The following GALNT14 variants were observed in gnomAD, a reference collection of about 807,000 sequenced individuals.
The protein encoded by GALNT14 is UDP-GalNAc:polypeptide N-acetylgalactosaminyltransferase 14.
In GALNT14, 60 loss-of-function variants were observed where a neutral mutation model predicts 77.5. The observed-to-expected ratio is 0.77, with a 90% CI of 0.63 to 0.96. The LOEUF (loss-of-function observed/expected upper bound fraction) is 0.96, where lower values mean the gene tolerates loss of function less well. Ranked by LOEUF, GALNT14 falls within the 40% of genes least tolerant of loss-of-function variation. The pLI, the probability that GALNT14 is intolerant of heterozygous loss-of-function variation, is 0.00. For missense variants in GALNT14, 710 were observed against 731.0 expected (o/e 0.97, Z 0.33); for synonymous variants, 280 against 281.7 (o/e 0.99, Z 0.06).
chr2:30,938,384 A>ACTCTCTCTCTCT (rs1553339835), intron 9 of GALNT14, among the ~76,000 whole-genome samples: 1 of 141,692 alleles, frequency 7.1e-6, no homozygotes, highest in African/African-American at 2.6e-5. Flanking sequence ...ACACACACAC[A>ACTCTCTCTCTCT]CTCTCTCTCT....
chr2:31,137,985 C>G lies in GALNT14; in HGVS notation c.102G>C (p.Pro34=). 1.2e-6 allele frequency: 2 copies of G among 1,613,642 alleles called. No individual in the cohort carries two copies. The highest frequency in any genetic ancestry group is 1.7e-6 in the Non-Finnish European group (2 of 1,179,724). The part of the protein sequence containing the change: ...FWVTKRKLEV[P]TGPEVQTPKP... Reference sequence around the variant, plus strand: ...TAGGGGTCTGCACTTCAGGTCCCGTCGGCACCTCCAACTTCCTCTTGGTTA... The same window carrying G: ...TAGGGGTCTGCACTTCAGGTCCCGTGGGCACCTCCAACTTCCTCTTGGTTA... Residue 34 remains proline, a synonymous_variant, in exon 1 of 15, where the codon CCG becomes CCC. Coordinates refer to ENST00000349752, the MANE Select transcript of GALNT14 (RefSeq NM_024572.4).
intron 1 of GALNT14, among the ~76,000 whole-genome samples, chr2:31,006,065 CT>C (rs1670652977): frequency 6.6e-6 from 1 of 152,142 alleles, no homozygotes; most frequent in African/African-American, 2.4e-5. Flanking sequence ...CTTCTGGTCC[CT>C]TCTCCTCGTC....
At chr2:30,989,579 T>A (rs865924942) in intron 2 of GALNT14, among the ~76,000 whole-genome samples, 3 of 127,218 alleles carry the variant, frequency 2.4e-5, no homozygotes, top group African/African-American at 1.1e-4. Flanking sequence ...TATATATATA[T>A]ATAAAAATAT....
rs757175498 is a variant in GALNT14 at position 30,955,627 on chromosome 2, C to G, written c.645G>C (p.Arg215Ser). Residue 215 changes from arginine (R) to serine (S), a missense_variant, in exon 6 of 15, where the codon AGG becomes AGC. Arg to Ser is a moderately radical substitution (Grantham distance 110, BLOSUM62 -1). Transcript: ENST00000349752. ...CCTCAGCCTCACTCACCTCTTTGAC[C>G]CTGTGCAACAGAGGCTGGAGCCAGT... is the stretch of plus-strand genomic sequence containing the variant. ...NRDWLQPLLH[R>S]VKEDYTRVVC... The G allele has an allele frequency of 6.2e-7, 1 of 1,614,098 alleles. No individual in the cohort carries two copies. The highest frequency in any genetic ancestry group is 8.5e-7 in the Non-Finnish European group (1 of 1,180,014).
intron 1 of GALNT14, among the ~76,000 whole-genome samples, chr2:31,048,595 CACT>C (rs1673635077): frequency 7.3e-5 from 10 of 137,408 alleles, no homozygotes; most frequent in African/African-American, 1.6e-4. Flanking sequence ...TCCCCACCCC[CACT>C]CCTGCCTCCC....
chr2:31,083,141 T>A (rs1431863030), intron 1 of GALNT14, among the ~76,000 whole-genome samples: 1 of 152,194 alleles, frequency 6.6e-6, no homozygotes, highest in Non-Finnish European at 1.5e-5. Context: ...ATATGGGGCA[T>A]CCAGTGCTAT....
At chr2:30,971,367 G>A (rs1399124096) in intron 2 of GALNT14, among the ~76,000 whole-genome samples, 3 of 152,068 alleles carry the variant, frequency 2.0e-5, no homozygotes, top group African/African-American at 4.8e-5. Context: ...GATTGGGGGC[G>A]GGGTGTGGGG....
At chr2:31,021,512 G>A (rs1035785916) in intron 1 of GALNT14, among the ~76,000 whole-genome samples, 1 of 151,816 alleles carries the variant, frequency 6.6e-6, no homozygotes. Flanking sequence ...TGCCATGTTG[G>A]TCAGGCTGGT....
chr2:31,087,536 A>AGAGGAGAAGAGAGGAGAGGAG (rs1160670621), intron 1 of GALNT14, among the ~76,000 whole-genome samples: 41 of 150,426 alleles, frequency 2.7e-4, no homozygotes, highest in South Asian at 6.3e-4. Context: ...CGAGGAGAGG[A>AGAGGAGAAGAGAGGAGAGGAG]AGACCTCTAG....
At chr2:30,994,875 A>T (rs1669926204) in intron 1 of GALNT14, among the ~76,000 whole-genome samples, 1 of 152,182 alleles carries the variant, frequency 6.6e-6, no homozygotes, top group African/African-American at 2.4e-5. Flanking sequence ...GCAGAGAGAC[A>T]TGCATGGAGA....
chr2:31,013,955 C>T (rs555436273), intron 1 of GALNT14, among the ~76,000 whole-genome samples: 65 of 152,310 alleles, frequency 4.3e-4, no homozygotes, highest in Non-Finnish European at 7.6e-4. Context: ...CTTTAAGTTT[C>T]TGTCCCTGTA....
At chr2:30,899,844 G>A in the GALNT14 span, among the ~76,000 whole-genome samples, 4 of 152,308 alleles carry the variant, frequency 2.6e-5, no homozygotes, top group South Asian at 2.1e-4. Flanking sequence ...GAGCTCGGGC[G>A]GTTAGCTCTG....
At chr2:31,054,000 A>G (rs1341531194) in intron 1 of GALNT14, among the ~76,000 whole-genome samples, 1 of 152,208 alleles carries the variant, frequency 6.6e-6, no homozygotes, top group Admixed American at 6.5e-5. Flanking sequence ...AAAAATCCAC[A>G]CAGTTCATTC....
At chr2:31,018,090 G>C (rs1671490954) in intron 1 of GALNT14, among the ~76,000 whole-genome samples, 1 of 152,232 alleles carries the variant, frequency 6.6e-6, no homozygotes, top group Non-Finnish European at 1.5e-5. Flanking sequence ...CAAGAAAGGG[G>C]CCTGATGATG....
intron 1 of GALNT14, among the ~76,000 whole-genome samples, chr2:31,067,246 G>C (rs1367085473): frequency 6.6e-6 from 1 of 152,206 alleles, no homozygotes; most frequent in Admixed American, 6.5e-5. Context: ...CTGTGCTGCA[G>C]AGAGGAATGG....
rs1210912762 is a variant in GALNT14, at chr2:31,057,295, A to T, written c.130-64288T>A. Among the ~76,000 whole-genome samples, 278 of 94,992 alleles carry T rather than the reference A, an allele frequency of 2.9e-3. 2 individuals are homozygous for T. Among genetic ancestry groups the T allele is most frequent in the African/African-American group, 0.014 (261 of 19,134 alleles). 62.3% of individuals were successfully genotyped at this position (94,992 alleles called of 152,430 possible). ...CCTATGAATCTAAAAAGTTGAAATT[A>T]TATATATATATATATATATATAAAA... is the stretch of plus-strand genomic sequence containing the variant. On this transcript the variant is annotated intron_variant, in intron 1 of 14. Transcript: ENST00000349752.
Position 31,110,221 on chromosome 2 carries a change from G to A in GALNT14, c.129+27737C>T, listed in dbSNP as rs559392969. Among the ~76,000 whole-genome samples, 8 of 152,038 alleles carry A rather than the reference G, an allele frequency of 5.3e-5. No individual in the cohort carries two copies. In the South Asian group the frequency reaches 6.2e-4, roughly 12 times the overall value. ...TCTCCCTTTCTTACCTCCTAAATCC[G>A]TGTATTATAAATGCAGAGAGCACAC... On this transcript the variant is annotated intron_variant, in intron 1 of 14. Transcript: ENST00000349752.
At chr2:31,132,744 A>G (rs1679052250) in intron 1 of GALNT14, 1 of 470,942 alleles carries the variant, frequency 2.1e-6, no homozygotes, top group Admixed American at 2.3e-5. Flanking sequence ...CCGTTTGCCA[A>G]AAGAAACCCC....
chr2:31,134,531 C>G (rs760533260), intron 1 of GALNT14, among the ~76,000 whole-genome samples: 1 of 152,240 alleles, frequency 6.6e-6, no homozygotes, highest in Non-Finnish European at 1.5e-5. Context: ...GGCAAATGGC[C>G]TCCTAAACCA....
Sources: allele counts gnomAD v4.1 joint callset (sites outside exome capture counted in the v4.1 genomes callset), GRCh38; gene constraint gnomAD v4.1.1; transcripts MANE v1.5; gene names NCBI Gene and HGNC (gene_info 2026-07-23, HGNC 2026-07-21).